ADCY9: variants seen among roughly 807,000 people sequenced by gnomAD.
ADCY9 encodes adenylate cyclase type 9.
A neutral mutation model predicts 101.5 loss-of-function variants in ADCY9; 50 were observed. The ratio of observed to expected loss-of-function variants is 0.49; its 90% confidence interval spans 0.39 to 0.62. The LOEUF is 0.62. ADCY9 is among the 20% of genes least tolerant of loss of function. The pLI is 0.00. For missense variants in ADCY9, 1,662 were observed against 1,800.4 expected, an observed-to-expected ratio of 0.92 and a Z score of 1.39; for synonymous variants, 905 against 769.3, an observed-to-expected ratio of 1.18 and a Z score of -2.92.
At chr16:3,969,224 G>A (rs1415543454) in intron 10 of ADCY9, among the ~76,000 whole-genome samples, 1 of 152,058 alleles carries the variant, frequency 6.6e-6, no homozygotes, top group East Asian at 1.9e-4. Flanking sequence ...GATGAGTGGT[G>A]AGTAGCACAA....
At position 4,085,969 on chromosome 16, in the gene ADCY9, A is replaced by C. The variant is rs1037825556; in HGVS notation, c.1693+27781T>G. The stretch of plus-strand genomic sequence containing the variant: ...TTATTGCATAATTATTAAAAAAAAA[A>C]CAACACTCGCTGAGTATCTACTGTG... On this transcript the variant is annotated intron_variant, in intron 2 of 10. Transcript: ENST00000294016. 7.9e-5 allele frequency among the ~76,000 whole-genome samples: 12 copies of C among 151,834 alleles called. 1 individual carries two copies. Among genetic ancestry groups the C allele is most frequent in the Admixed American group, 6.6e-5 (1 of 15,230 alleles).
intron 2 of ADCY9, among the ~76,000 whole-genome samples, chr16:4,106,293 C>G (rs1281441575): frequency 1.3e-5 from 2 of 152,200 alleles, no homozygotes; most frequent in Non-Finnish European, 2.9e-5. Context: ...ACAAGAATAT[C>G]ACTGCTGTCT....
rs916897986 is a variant in ADCY9, at chr16:3,965,081, T to G, written c.*694A>C. The G allele has an allele frequency of 2.6e-5, 4 of 152,372 alleles. No homozygotes were observed. The highest frequency in any genetic ancestry group is 7.2e-5 in the African/African-American group (3 of 41,424). 9.4% of individuals were successfully genotyped at this position (152,372 alleles called of 1,614,324 possible). On this transcript the variant is annotated 3_prime_UTR_variant, in exon 11 of 11. Transcript: ENST00000294016. ...CCGGCTGGCATTTGCTGTCTTGGCC[T>G]GCATGCATGTGGGCGAGCCCCTAAA...
intron 2 of ADCY9, among the ~76,000 whole-genome samples, chr16:4,020,949 A>T (rs2056472473): frequency 6.6e-6 from 1 of 152,192 alleles, no homozygotes; most frequent in Non-Finnish European, 1.5e-5. Context: ...AAACCCTATA[A>T]GTGGGATGAG....
At chr16:3,973,327 C>G (rs2056068415) in intron 10 of ADCY9, among the ~76,000 whole-genome samples, 1 of 152,142 alleles carries the variant, frequency 6.6e-6, no homozygotes, top group South Asian at 2.1e-4. Flanking sequence ...CCTGCCTCAG[C>G]CTCCCAAGTG....
intron 6 of ADCY9, among the ~76,000 whole-genome samples, chr16:3,987,154 T>TC (rs1293749508): frequency 6.6e-6 from 1 of 152,038 alleles, no homozygotes; most frequent in African/African-American, 2.4e-5. Context: ...GCTCAGGAGT[T>TC]CCCCCCTTGG....
chr16:4,087,606 A>G (rs2056947555), intron 2 of ADCY9, among the ~76,000 whole-genome samples: 1 of 151,320 alleles, frequency 6.6e-6, no homozygotes, highest in Non-Finnish European at 1.5e-5. Context: ...TTTACTCTGC[A>G]CAGTTCAGGG....
At chr16:4,097,547 ATATATATTT>A (rs1311490028) in intron 2 of ADCY9, among the ~76,000 whole-genome samples, 12 of 46,694 alleles carry the variant, frequency 2.6e-4, no homozygotes, top group African/African-American at 1.5e-3. Context: ...ATATATATAT[ATATATATTT>A]TTTTTTTTTT....
chr16:4,013,207 C>A (rs1028697997), intron 2 of ADCY9, among the ~76,000 whole-genome samples: 1 of 151,302 alleles, frequency 6.6e-6, no homozygotes, highest in South Asian at 2.1e-4. Flanking sequence ...GTGAGTGCGC[C>A]GTTGCACTCC....
At chr16:4,039,085 T>C (rs546611004) in intron 2 of ADCY9, among the ~76,000 whole-genome samples, 3 of 152,282 alleles carry the variant, frequency 2.0e-5, no homozygotes, top group African/African-American at 7.2e-5. Context: ...ACCCTCACAG[T>C]TAACCCGCAC....
At chr16:4,100,391 G>A (rs781673874) in intron 2 of ADCY9, among the ~76,000 whole-genome samples, 81 of 152,020 alleles carry the variant, frequency 5.3e-4, no homozygotes, top group South Asian at 2.3e-3. Context: ...GTACAGTGGC[G>A]CGATCTGGGC....
rs1348910075 is a variant in ADCY9 at position 3,966,854 on chromosome 16, A to G, written c.2983T>C (p.Phe995Leu). The change falls in exon 11 of 11, where the codon TTC becomes CTC. Residue 995 changes from phenylalanine to leucine, a missense_variant. Around this residue, in one of 5 missense-constraint regions of ADCY9, gnomAD observed 624 missense variants for 639.1 expected, o/e 0.98. Coordinates refer to ENST00000294016, the MANE Select transcript of ADCY9 (RefSeq NM_001116.4). ...CTGACTTCAAATTCGCGATTCAGGAACCAGACCAACAAGAGCAGGAGAAAG... is the reference window on the plus strand; with the variant it reads ...CTGACTTCAAATTCGCGATTCAGGAGCCAGACCAACAAGAGCAGGAGAAAG... ...VFFLLLLLVW[F>L]LNREFEVSYR... is the part of the protein sequence containing the mutation. The G allele has an allele frequency of 6.2e-7, 1 of 1,614,062 alleles. No homozygotes were observed. Among genetic ancestry groups the G allele is most frequent in the Non-Finnish European group, 8.5e-7 (1 of 1,180,034 alleles).
Position 3,966,474 on chromosome 16 carries a change from G to A in ADCY9, c.3363C>T (p.Asn1121=), listed in dbSNP as rs200726858. Reference sequence around the variant, plus strand: ...GGCTGCCGTCCTGGGCCTGCGCGGTGTTCAGCCCTGACGCCGCCATGTACG... The same window carrying A: ...GGCTGCCGTCCTGGGCCTGCGCGGTATTCAGCCCTGACGCCGCCATGTACG... ...GATYMAASGL[N]TAQAQDGSHP... is the part of the protein sequence containing the mutation. Residue 1121 remains asparagine, a synonymous_variant, in exon 11 of 11, where the codon AAC becomes AAT. Transcript: ENST00000294016. 2 of 1,614,118 alleles carry A rather than the reference G, an allele frequency of 1.2e-6. No homozygotes were observed. Among genetic ancestry groups the A allele is most frequent in the East Asian group, 2.2e-5 (1 of 44,888 alleles).
intron 3 of ADCY9, among the ~76,000 whole-genome samples, chr16:4,002,753 T>C (rs1019701587): frequency 6.6e-6 from 1 of 152,242 alleles, no homozygotes; most frequent in Non-Finnish European, 1.5e-5. Flanking sequence ...CTCACTCTAT[T>C]GCCCAGTCTG....
intron 3 of ADCY9, among the ~76,000 whole-genome samples, chr16:3,996,542 G>A (rs930734805): frequency 3.3e-5 from 5 of 152,142 alleles, no homozygotes; most frequent in African/African-American, 1.2e-4. Flanking sequence ...TGCTTGATGG[G>A]GCACACCAGC....
intron 2 of ADCY9, among the ~76,000 whole-genome samples, chr16:4,082,252 G>A (rs951543339): frequency 2.0e-5 from 3 of 152,046 alleles, no homozygotes; most frequent in East Asian, 1.9e-4. Flanking sequence ...GGTGGTACAC[G>A]ACTGTATTCC....
intron 2 of ADCY9, among the ~76,000 whole-genome samples, chr16:4,068,734 G>A (rs985302846): frequency 9.2e-5 from 14 of 151,554 alleles, no homozygotes; most frequent in African/African-American, 3.4e-4. Flanking sequence ...GGAGAATGGT[G>A]TGAACCCAGG....
chr16:4,077,326 C>T (rs906961697), intron 2 of ADCY9, among the ~76,000 whole-genome samples: 6 of 152,130 alleles, frequency 3.9e-5, no homozygotes, highest in Admixed American at 2.6e-4. Context: ...TCACGAGGCC[C>T]AGGAGGGTTT....
chr16:4,078,460 G>C (rs534450616), intron 2 of ADCY9, among the ~76,000 whole-genome samples: 84 of 151,728 alleles, frequency 5.5e-4, no homozygotes, highest in South Asian at 4.2e-4. Context: ...CTACTTGGGA[G>C]GCTGAGGTGG....
Sources: allele counts gnomAD v4.1 joint callset (sites outside exome capture counted in the v4.1 genomes callset), GRCh38; gene constraint gnomAD v4.1.1; regional missense constraint gnomAD v4.1.1; transcripts MANE v1.5; gene names NCBI Gene and HGNC (gene_info 2026-07-23, HGNC 2026-07-21).